The following SAE1 variants were observed in gnomAD, a reference collection of about 807,000 sequenced individuals.
SAE1 encodes the protein SUMO1 activating enzyme subunit 1, also known as SUMO-activating enzyme subunit 1.
A neutral mutation model predicts 40.6 loss-of-function variants in SAE1; 11 were observed. That is an observed-to-expected ratio of 0.27 (90% CI 0.17 to 0.45). The LOEUF (loss-of-function observed/expected upper bound fraction) is 0.45, where lower values mean the gene tolerates loss of function less well. SAE1 is among the 20% of genes least tolerant of loss of function. The pLI is 1.00. For missense variants in SAE1, 373 were observed against 427.3 expected (o/e 0.87, Z 1.12); for synonymous variants, 155 against 154.3 (o/e 1.00, Z -0.03).
intron 7 of SAE1, 40 bp from the exon 8 acceptor site, chr19:47,203,631 G>A (rs1427217303): frequency 6.3e-7 from 1 of 1,579,776 alleles, no homozygotes; most frequent in Middle Eastern, 1.7e-4. Flanking sequence ...TCACAGTTCT[G>A]TTCCCAGTGC....
At chr19:47,142,973 C>T (rs944341077) in intron 1 of SAE1, among the ~76,000 whole-genome samples, 2 of 152,222 alleles carry the variant, frequency 1.3e-5, no homozygotes, top group African/African-American at 4.8e-5. Context: ...CTTATTTCCA[C>T]ACCATAGAAG....
chr19:47,154,017 C>T (rs1455571525), intron 4 of SAE1, among the ~76,000 whole-genome samples: 2 of 151,798 alleles, frequency 1.3e-5, no homozygotes, highest in Non-Finnish European at 2.9e-5. Context: ...TCTTGAACTC[C>T]GGACCTCAGG....
intron 6 of SAE1, among the ~76,000 whole-genome samples, chr19:47,181,476 C>CTTTTT (rs202245801): frequency 7.0e-5 from 7 of 99,718 alleles, no homozygotes; most frequent in Non-Finnish European, 9.3e-5. Flanking sequence ...TTTTCTTTTC[C>CTTTTT]TTTTTTTTTT....
chr19:47,136,716 C>T (rs1391786626), intron 1 of SAE1, among the ~76,000 whole-genome samples: 1 of 152,166 alleles, frequency 6.6e-6, no homozygotes, highest in East Asian at 1.9e-4. Context: ...CTGTGAACTC[C>T]TGACCTCAGG....
At chr19:47,205,803 A>C (rs1294614690) in intron 8 of SAE1, among the ~76,000 whole-genome samples, 1 of 152,166 alleles carries the variant, frequency 6.6e-6, no homozygotes, top group Admixed American at 6.5e-5. Flanking sequence ...TCCCTGGTTT[A>C]TAAAAGAGAG....
intron 2 of SAE1, among the ~76,000 whole-genome samples, chr19:47,149,624 C>T (rs1162461889): frequency 6.6e-6 from 1 of 152,014 alleles, no homozygotes; most frequent in Admixed American, 6.6e-5. Flanking sequence ...TACAAATTTG[C>T]ATAGAAGAAG....
In SAE1 at chr19:47,179,553, GATT is replaced by G. The variant is rs1049714814; in HGVS notation, c.733+9631_733+9633del. On this transcript the variant is annotated intron_variant, in intron 6 of 8. Coordinates refer to ENST00000270225, the MANE Select transcript of SAE1 (RefSeq NM_005500.3). ...TAAATATTGAACTCTGCTTAGTAGG[GATT>G]TTGTTTTCAGATGAGGTCTTGCTCT... is the stretch of plus-strand genomic sequence containing the variant. Among the ~76,000 whole-genome samples the G allele has an allele frequency of 7.9e-5, 12 of 151,988 alleles. No individual in the cohort carries two copies. In the East Asian group the frequency reaches 2.3e-3, roughly 29 times the overall value.
chr19:47,171,105 G>C (rs896853555), intron 6 of SAE1, among the ~76,000 whole-genome samples: 1 of 151,650 alleles, frequency 6.6e-6, no homozygotes, highest in African/African-American at 2.4e-5. Flanking sequence ...CTCCCGAGTA[G>C]CTGGGACTGC....
chr19:47,155,192 T>G lies in SAE1; in HGVS notation c.606T>G (p.Ser202=). 25 of 1,613,668 alleles carry G rather than the reference T, an allele frequency of 1.5e-5. No individual in the cohort carries two copies. The highest frequency in any genetic ancestry group is 1.9e-5 in the Non-Finnish European group (23 of 1,179,698). The stretch of plus-strand genomic sequence containing the variant: ...CCAAGAGAGCAAAACTTGATTCTTC[T>G]GAGACAACGATGGTCAAAAAGGTAT... ...PDTKRAKLDS[S]ETTMVKKKVV... Residue 202 remains serine, a synonymous_variant, in exon 5 of 9, where the codon TCT becomes TCG. Coordinates refer to ENST00000270225, the MANE Select transcript of SAE1 (RefSeq NM_005500.3).
chr19:47,160,893 G>A (rs1381139250), intron 5 of SAE1, among the ~76,000 whole-genome samples: 1 of 152,192 alleles, frequency 6.6e-6, no homozygotes, highest in Non-Finnish European at 1.5e-5. Flanking sequence ...GCAACGAGGG[G>A]TGTAAATTTG....
intron 5 of SAE1, among the ~76,000 whole-genome samples, chr19:47,164,755 TCTCCTGCCTCAGC>T (rs1336562834): frequency 6.7e-6 from 1 of 149,680 alleles, no homozygotes. Flanking sequence ...TTCAAGCGAT[TCTCCTGCCTCAGC>T]CTCCTGAGTA....
rs2123217986 is a variant in SAE1, at chr19:47,155,202, A to ATGGTCAAAAAGGTATGTGTAAC, written c.617_627+11dup. 2 of 1,612,832 alleles carry ATGGTCAAAAAGGTATGTGTAAC rather than the reference A, an allele frequency of 1.2e-6. No individual in the cohort carries two copies. Among genetic ancestry groups the ATGGTCAAAAAGGTATGTGTAAC allele is most frequent in the East Asian group, 4.5e-5 (2 of 44,882 alleles). ...AAAACTTGATTCTTCTGAGACAACG[A>ATGGTCAAAAAGGTATGTGTAAC]TGGTCAAAAAGGTATGTGTAACGTG... On this transcript the variant is annotated frameshift_variant, in exon 5 of 9. Coordinates refer to ENST00000270225, the MANE Select transcript of SAE1 (RefSeq NM_005500.3). LOFTEE classifies it high-confidence loss of function.
chr19:47,158,095 T>A (rs1210235439), intron 5 of SAE1, among the ~76,000 whole-genome samples: 1 of 99,946 alleles, frequency 1.0e-5, no homozygotes, highest in East Asian at 2.8e-4. Context: ...AGGGTGGGGG[T>A]GGGGAAGCAG....
In SAE1 at chr19:47,197,305, T is replaced by C; in HGVS notation, c.806T>C (p.Leu269Ser). ...ACATATGAGGAAGATTCTGAGTTGT[T>C]GCTCCAGATACGAAATGATGTGCTT... ...SDTYEEDSEL[L>S]LQIRNDVLDS... is the part of the protein sequence containing the mutation. The change falls in exon 7 of 9, where the codon TTG (leucine) becomes TCG (serine). Residue 269 changes from leucine to serine, a missense_variant. By Grantham distance (145) the Leu-to-Ser change is moderately radical. This residue lies in a region of SAE1 where 351 missense variants were observed against 390.6 expected (regional missense o/e 0.90). Coordinates refer to ENST00000270225, the MANE Select transcript of SAE1 (RefSeq NM_005500.3). The C allele has an allele frequency of 6.2e-7, 1 of 1,614,124 alleles. No homozygotes were observed. Among genetic ancestry groups the C allele is most frequent in the Non-Finnish European group, 8.5e-7 (1 of 1,179,930 alleles).
intron 5 of SAE1, among the ~76,000 whole-genome samples, chr19:47,165,251 G>A (rs764181449): frequency 3.1e-4 from 46 of 150,422 alleles, no homozygotes; most frequent in Admixed American, 1.9e-3. Context: ...CACCATGTCC[G>A]GCTAATTTTT....
rs183101132 is a variant in SAE1 at position 47,172,269 on chromosome 19, G to T, written c.733+2346G>T. On this transcript the variant is annotated intron_variant, in intron 6 of 8. Coordinates refer to ENST00000270225, the MANE Select transcript of SAE1 (RefSeq NM_005500.3). ...TATCCATTTGTGTAGAAATAAATGG[G>T]TTGAGCAGGAATGAGTGTTGCATGT... 2.3e-3 allele frequency among the ~76,000 whole-genome samples: 354 copies of T among 152,326 alleles called. 2 individuals are homozygous for T. The highest frequency in any genetic ancestry group is 8.2e-3 in the African/African-American group (340 of 41,564).
chr19:47,195,668 T>C (rs1458817417), intron 6 of SAE1, among the ~76,000 whole-genome samples: 2 of 151,380 alleles, frequency 1.3e-5, no homozygotes, highest in East Asian at 1.9e-4. Context: ...CCTTCCCCTT[T>C]CCCTTTCCCT....
At chr19:47,161,482 C>T (rs1372632608) in intron 5 of SAE1, among the ~76,000 whole-genome samples, 1 of 152,092 alleles carries the variant, frequency 6.6e-6, no homozygotes, top group Non-Finnish European at 1.5e-5. Flanking sequence ...GTACCCTCAC[C>T]AGGTAAGTAA....
At chr19:47,155,319 G>A (rs1484644109) in intron 5 of SAE1, 106 bp downstream of exon 5, 3 of 736,412 alleles carry the variant, frequency 4.1e-6, no homozygotes, top group Non-Finnish European at 4.6e-6. Context: ...GGGGTGGGGC[G>A]GGTGCTTGTC....
Sources: gnomAD v4.1 joint callset for allele counts (sites outside exome capture counted in the v4.1 genomes callset) on GRCh38, gnomAD v4.1.1 for gene constraint, gnomAD v4.1.1 regional missense constraint, MANE v1.5 for transcripts, NCBI Gene and HGNC (gene_info 2026-07-23, HGNC 2026-07-21) for gene names.